The following SCHIP1 variants were observed in gnomAD, a reference collection of about 807,000 sequenced individuals.
The protein encoded by SCHIP1 is schwannomin-interacting protein 1.
Under a neutral mutation model 29.7 loss-of-function variants are expected in SCHIP1, and 8 were observed. The ratio of observed to expected loss-of-function variants is 0.27; its 90% CI spans 0.16 to 0.49. The LOEUF (loss-of-function observed/expected upper bound fraction) is 0.49. Among genes scored for constraint, SCHIP1 ranks in the 20% least tolerant of loss-of-function variants. The pLI is 0.99. For synonymous variants in SCHIP1, 76 were observed against 94.9 expected (o/e 0.80, Z 1.16); for missense variants, 193 against 294.6 (o/e 0.66, Z 2.52).
intron 3 of SCHIP1, chr3:159,887,502 C>A: frequency 5.1e-6 from 3 of 583,958 alleles, no homozygotes; most frequent in Non-Finnish European, 9.1e-6. Flanking sequence ...ATTAACTATA[C>A]TGCTCTCTCT....
the SCHIP1 span, among the ~76,000 whole-genome samples, chr3:159,817,589 A>C: frequency 6.6e-6 from 1 of 152,194 alleles, no homozygotes; most frequent in Non-Finnish European, 1.5e-5. Context: ...ACTAAAAAAA[A>C]AGAATACTTT....
the SCHIP1 span, among the ~76,000 whole-genome samples, chr3:159,547,602 G>A: frequency 1.3e-5 from 2 of 152,180 alleles, no homozygotes; most frequent in African/African-American, 4.8e-5. Context: ...TATGGTGTAA[G>A]GAAGGGGTCC....
chr3:159,736,397 A>G, the SCHIP1 span, among the ~76,000 whole-genome samples: 2 of 152,190 alleles, frequency 1.3e-5, no homozygotes, highest in Non-Finnish European at 2.9e-5. Context: ...TGGCAGAAGG[A>G]GTTAGAATGG....
the SCHIP1 span, among the ~76,000 whole-genome samples, chr3:159,724,840 G>A: frequency 6.6e-6 from 1 of 152,234 alleles, no homozygotes; most frequent in African/African-American, 2.4e-5. Context: ...GAATCACCTT[G>A]TGCATGTAAC....
the SCHIP1 span, among the ~76,000 whole-genome samples, chr3:159,598,001 A>G: frequency 5.9e-5 from 9 of 152,260 alleles, no homozygotes; most frequent in Middle Eastern, 0.014. Flanking sequence ...AGCATAGGGG[A>G]AACTGCCCTT....
At chr3:159,830,024 T>C in the SCHIP1 span, among the ~76,000 whole-genome samples, 1 of 152,254 alleles carries the variant, frequency 6.6e-6, no homozygotes, top group Non-Finnish European at 1.5e-5. Context: ...TTTAAGATTC[T>C]GGACATGTTT....
At chr3:159,780,890 G>A in the SCHIP1 span, among the ~76,000 whole-genome samples, 1 of 152,248 alleles carries the variant, frequency 6.6e-6, no homozygotes, top group Non-Finnish European at 1.5e-5. Context: ...ATCCACAGGT[G>A]TGCCTGTGTG....
At chr3:159,500,449 C>G in the SCHIP1 span, among the ~76,000 whole-genome samples, 1 of 152,178 alleles carries the variant, frequency 6.6e-6, no homozygotes, top group Non-Finnish European at 1.5e-5. Context: ...CATGTTGGCT[C>G]ACGCCTGTAA....
the SCHIP1 span, among the ~76,000 whole-genome samples, chr3:159,457,734 C>T: frequency 6.6e-6 from 1 of 151,708 alleles, no homozygotes; most frequent in African/African-American, 2.4e-5. Flanking sequence ...TACTGAACCC[C>T]GTATATACTA....
At chr3:159,850,929 C>T (rs1712541083) in intron 1 of SCHIP1, among the ~76,000 whole-genome samples, 1 of 152,174 alleles carries the variant, frequency 6.6e-6, no homozygotes, top group Non-Finnish European at 1.5e-5. Flanking sequence ...CAGATCCAAA[C>T]CACATATCTG....
At chr3:159,406,481 G>A in the SCHIP1 span, among the ~76,000 whole-genome samples, 1 of 152,210 alleles carries the variant, frequency 6.6e-6, no homozygotes, top group African/African-American at 2.4e-5. Context: ...TACAAGAAGT[G>A]CTGAAGGAAA....
the SCHIP1 span, among the ~76,000 whole-genome samples, chr3:159,683,260 C>T: frequency 1.3e-5 from 2 of 152,072 alleles, no homozygotes; most frequent in South Asian, 4.2e-4. Flanking sequence ...CCATGTTGGC[C>T]AGGCTAGCCT....
the SCHIP1 span, among the ~76,000 whole-genome samples, chr3:159,414,806 T>G: frequency 6.6e-6 from 1 of 152,130 alleles, no homozygotes; most frequent in Non-Finnish European, 1.5e-5. Flanking sequence ...CATTAGATTC[T>G]CATAAGAAGC....
the SCHIP1 span, among the ~76,000 whole-genome samples, chr3:159,344,571 C>A: frequency 2.0e-5 from 3 of 152,184 alleles, no homozygotes; most frequent in Non-Finnish European, 4.4e-5. Context: ...AAACATCAGA[C>A]ACATCCCAGT....
intron 1 of SCHIP1, chr3:159,840,242 C>G: frequency 6.6e-7 from 1 of 1,523,384 alleles, no homozygotes; most frequent in Non-Finnish European, 8.8e-7. Flanking sequence ...ATTCTGAGGC[C>G]GGCATCCTTT....
the SCHIP1 span, among the ~76,000 whole-genome samples, chr3:159,809,452 G>A: frequency 6.6e-6 from 1 of 152,204 alleles, no homozygotes; most frequent in African/African-American, 2.4e-5. Context: ...AAACATACAT[G>A]TGCATTTATA....
At chr3:159,588,030 T>C in the SCHIP1 span, among the ~76,000 whole-genome samples, 1 of 152,232 alleles carries the variant, frequency 6.6e-6, no homozygotes, top group African/African-American at 2.4e-5. Flanking sequence ...TCTAGATCCC[T>C]GAGAAATCAC....
At chr3:159,716,211 G>T in the SCHIP1 span, among the ~76,000 whole-genome samples, 1 of 152,220 alleles carries the variant, frequency 6.6e-6, no homozygotes, top group African/African-American at 2.4e-5. Context: ...GACAGATTTT[G>T]ACACCATCAG....
At chr3:159,617,716 C>A in the SCHIP1 span, among the ~76,000 whole-genome samples, 2 of 152,274 alleles carry the variant, frequency 1.3e-5, no homozygotes, top group East Asian at 1.9e-4. Context: ...TTTACTACCC[C>A]CCCTAGGAAG....
Sources: gnomAD v4.1 joint callset for allele counts (sites outside exome capture counted in the v4.1 genomes callset) on GRCh38, gnomAD v4.1.1 for gene constraint, MANE v1.5 for transcripts, NCBI Gene and HGNC (gene_info 2026-07-23, HGNC 2026-07-21) for gene names.